The following LCORL variants were observed in gnomAD, a reference collection of about 807,000 sequenced individuals.
The protein encoded by LCORL is ligand dependent nuclear receptor corepressor like.
A neutral mutation model predicts 141.8 loss-of-function variants in LCORL; 41 were observed. The observed-to-expected ratio is 0.29, with a 90% confidence interval of 0.23 to 0.38. LCORL has a LOEUF of 0.38. Ranked by LOEUF, LCORL falls within the 10% of genes least tolerant of loss-of-function variation. The probability of loss-of-function intolerance (pLI) is 1.00; values close to 1 mark genes in which losing one functional copy is unlikely to be tolerated. For synonymous variants in LCORL, 618 were observed against 694.1 expected (o/e 0.89, Z 1.72); for missense variants, 1,759 against 2,035.0 (o/e 0.86, Z 2.61).
chr4:17,874,362 T>C, exon 7 of LCORL: 3 of 1,233,934 alleles, frequency 2.4e-6, no homozygotes, highest in South Asian at 8.2e-5. Context: ...GTCAGAATAT[T>C]TGGTCCCTAA....
chr4:17,880,577 T>G, intron 6 of LCORL: 2 of 966,292 alleles, frequency 2.1e-6, no homozygotes, highest in South Asian at 9.6e-5. Context: ...CTAAAGTAAA[T>G]CAAACAAGTC....
intron 5 of LCORL, among the ~76,000 whole-genome samples, chr4:17,898,915 C>T (rs931496986): frequency 6.6e-6 from 1 of 152,166 alleles, no homozygotes; most frequent in Non-Finnish European, 1.5e-5. Flanking sequence ...ATAAGGACTG[C>T]ACCAGTTTGT....
intron 4 of LCORL, among the ~76,000 whole-genome samples, chr4:17,925,854 G>A (rs1735036040): frequency 7.7e-6 from 1 of 129,478 alleles, no homozygotes. Flanking sequence ...CTGGGTGACA[G>A]AGTGACAGAG....
intron 5 of LCORL, among the ~76,000 whole-genome samples, chr4:17,889,497 A>G (rs1259154109): frequency 6.6e-6 from 1 of 152,152 alleles, no homozygotes; most frequent in East Asian, 1.9e-4. Context: ...AATATGTAAT[A>G]GTTGCAATAC....
intron 5 of LCORL, among the ~76,000 whole-genome samples, chr4:17,907,963 T>G (rs984499879): frequency 6.6e-6 from 1 of 152,234 alleles, no homozygotes; most frequent in East Asian, 1.9e-4. Context: ...ATTCCCATAT[T>G]TCAGCCCCTC....
At chr4:18,012,407 C>T (rs1318873420) in intron 1 of LCORL, among the ~76,000 whole-genome samples, 2 of 152,154 alleles carry the variant, frequency 1.3e-5, no homozygotes, top group Non-Finnish European at 2.9e-5. Context: ...ATTTTGGCCT[C>T]AGTTCCAAGC....
Position 17,984,439 on chromosome 4 carries a change from T to C in LCORL, c.155-11554A>G, listed in dbSNP as rs556116776. Among the ~76,000 whole-genome samples the C allele has an allele frequency of 7.9e-5, 12 of 152,236 alleles. No homozygotes were observed. The South Asian group carries it at 8.3e-4, about 11-fold the overall frequency. On this transcript the variant is annotated intron_variant, in intron 1 of 7. Transcript: ENST00000635767. ...GGTAGGGTATTCATTACTGATTCAATTTAGGAGCTCATTATTGGTCTCTTC... is the reference window on the plus strand; with the variant it reads ...GGTAGGGTATTCATTACTGATTCAACTTAGGAGCTCATTATTGGTCTCTTC...
At chr4:17,875,954 T>C (rs1726875897) in exon 7 of LCORL, 8 of 1,231,288 alleles carry the variant, frequency 6.5e-6, no homozygotes, top group Non-Finnish European at 7.1e-6. Flanking sequence ...AGTTCGCATT[T>C]GAGATATCCT....
chr4:17,924,823 G>C (rs1038992833), intron 4 of LCORL, among the ~76,000 whole-genome samples: 1 of 152,158 alleles, frequency 6.6e-6, no homozygotes, highest in Non-Finnish European at 1.5e-5. Context: ...GCCTTTTGAA[G>C]TCACAATTAC....
chr4:17,902,017 A>G (rs1730962831), intron 5 of LCORL, among the ~76,000 whole-genome samples: 1 of 152,082 alleles, frequency 6.6e-6, no homozygotes, highest in Non-Finnish European at 1.5e-5. Flanking sequence ...TGGAAAAAAA[A>G]TAAGTAATAT....
rs118013569 is a variant in LCORL at position 17,959,246 on chromosome 4, C to A, written c.430+2657G>T. The stretch of plus-strand genomic sequence containing the variant: ...ATAGAGTATTCCCCATAGTTCCTCT[C>A]TAGTCTGCTTAATTCAAATAAAATA... On this transcript the variant is annotated intron_variant, in intron 4 of 7. Transcript: ENST00000635767. 1.5e-3 allele frequency among the ~76,000 whole-genome samples: 226 copies of A among 152,090 alleles called. 6 individuals are homozygous for A. The East Asian group carries it at 0.04, about 27-fold the overall frequency.
chr4:17,991,925 G>A (rs888715056), intron 1 of LCORL, among the ~76,000 whole-genome samples: 2 of 152,056 alleles, frequency 1.3e-5, no homozygotes, highest in Non-Finnish European at 2.9e-5. Flanking sequence ...TAATGATTAC[G>A]GAAGTGAAGC....
chr4:17,845,628 G>A, exon 8 of LCORL: 1 of 799,986 alleles, frequency 1.3e-6, no homozygotes. Context: ...CAAATCACAG[G>A]ACTAGAAATA....
chr4:18,018,524 C>G (rs1399302353), intron 1 of LCORL, among the ~76,000 whole-genome samples: 1 of 152,104 alleles, frequency 6.6e-6, no homozygotes, highest in Non-Finnish European at 1.5e-5. Flanking sequence ...ATGAATGCCA[C>G]AATTAGAGGA....
At chr4:18,007,664 A>G (rs1266015788) in intron 1 of LCORL, among the ~76,000 whole-genome samples, 1 of 152,206 alleles carries the variant, frequency 6.6e-6, no homozygotes, top group Admixed American at 6.5e-5. Context: ...AAAGGATTTT[A>G]GCAGATGGCC....
In LCORL at chr4:17,954,906, C is replaced by T. The variant is rs146284471; in HGVS notation, c.430+6997G>A. ...TTTTAGACAGGTCATTGTGGGATGC[C>T]TATTAGCCACTGTAGTGAAGAATTA... On this transcript the variant is annotated intron_variant, in intron 4 of 7. Coordinates refer to ENST00000635767, the Ensembl canonical transcript of LCORL. Among the ~76,000 whole-genome samples, 37 of 152,180 alleles carry T rather than the reference C, an allele frequency of 2.4e-4. No homozygotes were observed. The East Asian group carries it at 6.8e-3, about 28-fold the overall frequency.
At chr4:17,979,851 C>T (rs904630334) in intron 1 of LCORL, among the ~76,000 whole-genome samples, 1 of 152,154 alleles carries the variant, frequency 6.6e-6, no homozygotes, top group Non-Finnish European at 1.5e-5. Flanking sequence ...ATAAGATTAT[C>T]CTGGTGGATT....
At chr4:17,886,008 A>G (rs1307376082) in intron 6 of LCORL, 60 bp downstream of exon 6, 3 of 928,594 alleles carry the variant, frequency 3.2e-6, no homozygotes. Context: ...TAGTATTAAG[A>G]GTTCTCTGCA....
intron 5 of LCORL, among the ~76,000 whole-genome samples, chr4:17,888,553 A>G (rs900784148): frequency 6.6e-6 from 1 of 152,152 alleles, no homozygotes; most frequent in African/African-American, 2.4e-5. Context: ...TTAAAGACTC[A>G]GATCCCCTGC....
Sources: allele counts gnomAD v4.1 joint callset (sites outside exome capture counted in the v4.1 genomes callset), GRCh38; gene constraint gnomAD v4.1.1; transcripts MANE v1.5; gene names NCBI Gene and HGNC (gene_info 2026-07-23, HGNC 2026-07-21).